The following CNTNAP5 variants were observed in gnomAD, a reference collection of about 807,000 sequenced individuals.
CNTNAP5 encodes contactin-associated protein-like 5.
Under a neutral mutation model 150.2 loss-of-function variants are expected in CNTNAP5, and 72 were observed. The observed-to-expected ratio is 0.48, with a 90% confidence interval of 0.40 to 0.58. The LOEUF (loss-of-function observed/expected upper bound fraction) is 0.58, where lower values mean the gene tolerates loss of function less well. Ranked by LOEUF, CNTNAP5 falls within the 20% of genes least tolerant of loss-of-function variation. The pLI is 0.00. For synonymous variants in CNTNAP5, 672 were observed against 619.8 expected (o/e 1.08, Z -1.25); for missense variants, 1,636 against 1,626.2 (o/e 1.01, Z -0.10).
At chr2:124,787,245 A>T (rs1681618783) in intron 17 of CNTNAP5, among the ~76,000 whole-genome samples, 1 of 152,242 alleles carries the variant, frequency 6.6e-6, no homozygotes. Flanking sequence ...TGAGAAAAAC[A>T]AAACCAAACA....
At chr2:124,543,052 A>G (rs1241922334) in intron 10 of CNTNAP5, among the ~76,000 whole-genome samples, 4 of 152,146 alleles carry the variant, frequency 2.6e-5, no homozygotes, top group Non-Finnish European at 5.9e-5. Flanking sequence ...AAACTTCCCA[A>G]TGTGGTTCAC....
chr2:124,208,284 T>C (rs966297279), intron 1 of CNTNAP5, among the ~76,000 whole-genome samples: 8 of 152,306 alleles, frequency 5.3e-5, no homozygotes, highest in African/African-American at 1.2e-4. Context: ...TTCTCCAGTG[T>C]ACAGTTTTAA....
intron 3 of CNTNAP5, among the ~76,000 whole-genome samples, chr2:124,376,605 G>C (rs1371820955): frequency 6.6e-6 from 1 of 151,944 alleles, no homozygotes; most frequent in East Asian, 1.9e-4. Context: ...GAATGTGCTA[G>C]CTATTTTATT....
intron 8 of CNTNAP5, among the ~76,000 whole-genome samples, chr2:124,520,078 C>T (rs1694818160): frequency 6.6e-6 from 1 of 152,142 alleles, no homozygotes; most frequent in South Asian, 2.1e-4. Flanking sequence ...TGTCATTCTA[C>T]ATTATTGCAG....
At chr2:124,452,942 C>A (rs185349582) in intron 6 of CNTNAP5, among the ~76,000 whole-genome samples, 175 of 152,268 alleles carry the variant, frequency 1.1e-3, no homozygotes, top group Non-Finnish European at 1.5e-3. Context: ...AGAAAACCAA[C>A]TCTGATTATA....
rs764360799 is a variant in CNTNAP5 at position 124,240,247 on chromosome 2, C to T, written c.188-1953C>T. 7.2e-5 allele frequency among the ~76,000 whole-genome samples: 11 copies of T among 152,156 alleles called. 1 individual carries two copies. The highest frequency in any genetic ancestry group is 1.2e-4 in the Non-Finnish European group (8 of 68,030). ...AGCTCTCATTCATCTACTAGGTGAA[C>T]GTGTTCAAGTAGGCAAGTACTTTCC... On this transcript the variant is annotated intron_variant, in intron 2 of 23. Transcript: ENST00000682447.
At chr2:124,525,395 C>T (rs1694940357) in intron 9 of CNTNAP5, among the ~76,000 whole-genome samples, 1 of 152,114 alleles carries the variant, frequency 6.6e-6, no homozygotes. Flanking sequence ...TGCCACATGG[C>T]AGGGGATGGG....
chr2:124,398,302 A>G (rs1289008206), intron 3 of CNTNAP5, among the ~76,000 whole-genome samples: 2 of 152,136 alleles, frequency 1.3e-5, no homozygotes, highest in Non-Finnish European at 2.9e-5. Context: ...CACCAGCTTA[A>G]ACACAGAGGT....
In CNTNAP5 at chr2:124,918,855, ACAAACT is replaced by A. The variant is rs1233861091; in HGVS notation, c.*4572_*4577del. 4.6e-5 allele frequency among the ~76,000 whole-genome samples: 7 copies of A among 152,152 alleles called. No homozygotes were observed. Among genetic ancestry groups the A allele is most frequent in the African/African-American group, 1.7e-4 (7 of 41,452 alleles). On this transcript the variant is annotated 3_prime_UTR_variant, in exon 24 of 24. Transcript: ENST00000682447. ...AGGCGATTAATGGAAGAAGATGCAG[ACAAACT>A]CAAAACTTTCAGAAGTCTAGGAGGA...
At chr2:124,346,243 A>C (rs1689734440) in intron 3 of CNTNAP5, among the ~76,000 whole-genome samples, 1 of 151,692 alleles carries the variant, frequency 6.6e-6, no homozygotes, top group Admixed American at 6.6e-5. Flanking sequence ...ACACTGCAGC[A>C]CTGGAGAGGT....
In CNTNAP5 at chr2:124,675,628, A is replaced by C. The variant is rs59216947; in HGVS notation, c.2077+27670A>C. 8.4e-3 allele frequency among the ~76,000 whole-genome samples: 1,283 copies of C among 152,250 alleles called. 16 individuals carry two copies. The highest frequency in any genetic ancestry group is 0.03 in the African/African-American group (1,237 of 41,566). On this transcript the variant is annotated intron_variant, in intron 13 of 23. Coordinates refer to ENST00000682447, the MANE Select transcript of CNTNAP5 (RefSeq NM_001367498.1). ...TCGTATACAAAAGCTTTTGTGCAAC[A>C]TATTTTATTTCTTCTTTCCTCCATT... is the stretch of plus-strand genomic sequence containing the variant.
At chr2:124,803,397 A>G (rs996734651) in intron 19 of CNTNAP5, among the ~76,000 whole-genome samples, 1 of 152,122 alleles carries the variant, frequency 6.6e-6, no homozygotes, top group Non-Finnish European at 1.5e-5. Context: ...GTTGAAATCT[A>G]TATATGTGTT....
chr2:124,387,255 G>A (rs1690953503), intron 3 of CNTNAP5, among the ~76,000 whole-genome samples: 2 of 152,330 alleles, frequency 1.3e-5, no homozygotes, highest in South Asian at 4.1e-4. Context: ...GGATAGCAAA[G>A]CCATGCTTAG....
intron 5 of CNTNAP5, among the ~76,000 whole-genome samples, chr2:124,443,270 G>C (rs1356834656): frequency 2.0e-5 from 3 of 148,818 alleles, no homozygotes; most frequent in Non-Finnish European, 3.0e-5. Flanking sequence ...TGTATCATAT[G>C]TATATACATC....
intron 6 of CNTNAP5, 74 bp from the exon 7 acceptor site, chr2:124,474,665 G>A (rs1693598056): frequency 1.1e-5 from 14 of 1,296,902 alleles, no homozygotes; most frequent in African/African-American, 3.0e-5. Context: ...TACCAAAAAC[G>A]CACGTGTTTA....
intron 11 of CNTNAP5, among the ~76,000 whole-genome samples, chr2:124,571,625 C>T (rs1422558235): frequency 1.4e-5 from 2 of 146,822 alleles, no homozygotes; most frequent in African/African-American, 2.5e-5. Flanking sequence ...CTCCGCTTCC[C>T]AGGTTCAAGC....
chr2:124,856,594 G>A (rs1249487236), intron 19 of CNTNAP5, among the ~76,000 whole-genome samples: 1 of 152,122 alleles, frequency 6.6e-6, no homozygotes, highest in African/African-American at 2.4e-5. Flanking sequence ...CATGAGTGAT[G>A]TTGAGCATTT....
At chr2:124,191,920 A>G (rs1320172591) in intron 1 of CNTNAP5, among the ~76,000 whole-genome samples, 2 of 151,972 alleles carry the variant, frequency 1.3e-5, no homozygotes, top group African/African-American at 4.8e-5. Context: ...AAAGCAAAGA[A>G]AAAGTAAAAA....
chr2:124,084,293 G>A (rs62163872), intron 1 of CNTNAP5, among the ~76,000 whole-genome samples: 23,419 of 148,918 alleles, frequency 0.16, 2,027 homozygotes, highest in Middle Eastern at 0.26. Context: ...TCCTCACAGC[G>A]TCTCGCTTTG....
Sources: gnomAD v4.1 joint callset for allele counts (sites outside exome capture counted in the v4.1 genomes callset) on GRCh38, gnomAD v4.1.1 for gene constraint, MANE v1.5 for transcripts, NCBI Gene and HGNC (gene_info 2026-07-23, HGNC 2026-07-21) for gene names.